MAGI1: variants seen among roughly 807,000 people sequenced by gnomAD.
The protein encoded by MAGI1 is membrane associated guanylate kinase, WW and PDZ domain containing 1, also known as membrane-associated guanylate kinase, WW and PDZ domain-containing protein 1.
A neutral mutation model predicts 139.9 loss-of-function variants in MAGI1; 58 were observed. The observed-to-expected ratio is 0.41, with a 90% CI of 0.34 to 0.52. MAGI1 has a LOEUF of 0.52. Ranked by LOEUF, MAGI1 falls within the 20% of genes least tolerant of loss-of-function variation. MAGI1 has a pLI of 0.12. For missense variants in MAGI1, 1,874 were observed against 1,901.6 expected (o/e 0.99, Z 0.27); for synonymous variants, 812 against 737.9 (o/e 1.10, Z -1.63).
chr3:65,910,853 GAC>G (rs1220140529), intron 1 of MAGI1, among the ~76,000 whole-genome samples: 9 of 14,834 alleles, frequency 6.1e-4, no homozygotes, highest in Admixed American at 1.9e-3. Context: ...AGACATGGTG[GAC>G]TTTTTTTTTT....
intron 12 of MAGI1, among the ~76,000 whole-genome samples, chr3:65,422,440 T>C (rs1346796972): frequency 6.6e-6 from 1 of 152,140 alleles, no homozygotes; most frequent in Non-Finnish European, 1.5e-5. Flanking sequence ...TCTGTCACTT[T>C]TTAGCTGTGT....
At chr3:65,753,857 G>A (rs753377528) in intron 1 of MAGI1, among the ~76,000 whole-genome samples, 2 of 152,064 alleles carry the variant, frequency 1.3e-5, no homozygotes, top group African/African-American at 4.8e-5. Context: ...GAAAAGTAAA[G>A]TTGAAATTCT....
chr3:65,487,557 A>C (rs1951707750), intron 3 of MAGI1, among the ~76,000 whole-genome samples: 1 of 152,148 alleles, frequency 6.6e-6, no homozygotes, highest in African/African-American at 2.4e-5. Flanking sequence ...GAAGAAACTA[A>C]CTTTACTGCA....
intron 2 of MAGI1, among the ~76,000 whole-genome samples, chr3:65,501,274 T>C (rs998961234): frequency 1.3e-5 from 2 of 150,526 alleles, no homozygotes; most frequent in Non-Finnish European, 1.5e-5. Flanking sequence ...AGGTCAGGAG[T>C]TCAAGACCAG....
At chr3:65,635,647 A>T (rs77593125) in intron 1 of MAGI1, among the ~76,000 whole-genome samples, 7,344 of 152,284 alleles carry the variant, frequency 0.048, 587 homozygotes, top group African/African-American at 0.17. Flanking sequence ...ATCTGCTGAC[A>T]GGTAAGATGT....
chr3:65,568,138 C>T (rs1003224987), intron 2 of MAGI1, among the ~76,000 whole-genome samples: 1 of 152,164 alleles, frequency 6.6e-6, no homozygotes, highest in African/African-American at 2.4e-5. Flanking sequence ...GCCAAACTCC[C>T]ACCCAAAGAC....
At chr3:65,709,829 G>A (rs900404587) in intron 1 of MAGI1, among the ~76,000 whole-genome samples, 4 of 152,154 alleles carry the variant, frequency 2.6e-5, no homozygotes, top group African/African-American at 7.2e-5. Context: ...TCTAATTGAC[G>A]TACAGAACTA....
chr3:65,677,402 G>C (rs537146696), intron 1 of MAGI1, among the ~76,000 whole-genome samples: 3 of 152,250 alleles, frequency 2.0e-5, no homozygotes, highest in African/African-American at 4.8e-5. Flanking sequence ...TTGAGGGTAG[G>C]AGCACAGTCA....
At chr3:65,660,323 G>A (rs1279494967) in intron 1 of MAGI1, among the ~76,000 whole-genome samples, 2 of 152,178 alleles carry the variant, frequency 1.3e-5, no homozygotes, top group African/African-American at 2.4e-5. Flanking sequence ...TAGTCAAAAA[G>A]GACAGATAGA....
chr3:65,505,676 ACTG>A (rs1559616999), intron 2 of MAGI1, among the ~76,000 whole-genome samples: 1 of 137,282 alleles, frequency 7.3e-6, no homozygotes, highest in Non-Finnish European at 1.6e-5. Flanking sequence ...ATAGGGAATG[ACTG>A]CTAATAGCTA....
At chr3:65,795,694 G>GATAC (rs1559890365) in intron 1 of MAGI1, among the ~76,000 whole-genome samples, 4 of 62,486 alleles carry the variant, frequency 6.4e-5, no homozygotes, top group Non-Finnish European at 1.3e-4. Context: ...AAGATGATAA[G>GATAC]ATACACACAC....
chr3:66,021,635 T>C (rs969879358), intron 1 of MAGI1, among the ~76,000 whole-genome samples: 1 of 152,094 alleles, frequency 6.6e-6, no homozygotes, highest in African/African-American at 2.4e-5. Flanking sequence ...CTTTAAACAC[T>C]GGATTCACAG....
chr3:65,891,085 C>T (rs142674288), intron 1 of MAGI1, among the ~76,000 whole-genome samples: 7,095 of 151,874 alleles, frequency 0.047, 236 homozygotes, highest in Middle Eastern at 0.12. Context: ...CGGTGGCATG[C>T]ACCTGTAGTC....
chr3:66,022,108 T>G (rs966103936), intron 1 of MAGI1, among the ~76,000 whole-genome samples: 8 of 152,084 alleles, frequency 5.3e-5, no homozygotes, highest in African/African-American at 1.9e-4. Context: ...ATAAGCTCCT[T>G]CCACCAAAAA....
intron 1 of MAGI1, among the ~76,000 whole-genome samples, chr3:65,960,384 T>C (rs1017144548): frequency 6.6e-6 from 1 of 152,158 alleles, no homozygotes. Flanking sequence ...TACAACCAAA[T>C]CATAGTTCAC....
At chr3:65,400,747 T>C (rs1012508943) in intron 13 of MAGI1, among the ~76,000 whole-genome samples, 10 of 120,090 alleles carry the variant, frequency 8.3e-5, no homozygotes, top group African/African-American at 2.2e-4. Flanking sequence ...CAGCAAAACA[T>C]TGATTTTTTT....
chr3:65,640,769 A>G (rs950891321), intron 1 of MAGI1, among the ~76,000 whole-genome samples: 3 of 152,248 alleles, frequency 2.0e-5, no homozygotes, highest in Non-Finnish European at 4.4e-5. Context: ...ATAACATTTT[A>G]AAACTGCAAG....
chr3:65,429,971 C>T lies in MAGI1; in HGVS notation c.1716G>A (p.Ser572=), dbSNP rs779766712. Residue 572 remains serine (S), a synonymous_variant, in exon 12 of 23, where the codon TCG becomes TCA. Coordinates refer to ENST00000402939, the MANE Select transcript of MAGI1 (RefSeq NM_001033057.2). ...PDDPNTSLVT[S]VAILDKEPII... ...TTGGTTCTTTATCCAAAATGGCTACCGAGGTCACTAAACTTGTATTGGGGT... is the reference window on the plus strand; with the variant it reads ...TTGGTTCTTTATCCAAAATGGCTACTGAGGTCACTAAACTTGTATTGGGGT... 23 of 1,613,830 alleles carry T rather than the reference C, an allele frequency of 1.4e-5. No homozygotes were observed. The Admixed American group carries it at 2.3e-4, about 16-fold the overall frequency.
At chr3:66,013,603 T>C (rs1292136594) in intron 1 of MAGI1, among the ~76,000 whole-genome samples, 2 of 150,104 alleles carry the variant, frequency 1.3e-5, no homozygotes, top group Non-Finnish European at 3.0e-5. Context: ...CTACTAAAAA[T>C]ACAAAAAATT....
Sources: allele counts gnomAD v4.1 joint callset (sites outside exome capture counted in the v4.1 genomes callset), GRCh38; gene constraint gnomAD v4.1.1; transcripts MANE v1.5; gene names NCBI Gene and HGNC (gene_info 2026-07-23, HGNC 2026-07-21).